RORA: variants seen among roughly 807,000 people sequenced by gnomAD.
RORA encodes the protein RAR related orphan receptor A.
Under a neutral mutation model 69.5 loss-of-function variants are expected in RORA, and 7 were observed. The ratio of observed to expected loss-of-function variants is 0.10; its 90% CI spans 0.06 to 0.19. RORA has a LOEUF of 0.19. Ranked by LOEUF, RORA falls within the 10% of genes least tolerant of loss-of-function variation. The pLI is 1.00. For missense variants in RORA, 457 were observed against 663.0 expected (o/e 0.69, Z 3.41); for synonymous variants, 261 against 240.8 (o/e 1.08, Z -0.78).
chr15:60,739,955 CAG>C (rs1361731671), intron 1 of RORA, among the ~76,000 whole-genome samples: 1 of 152,112 alleles, frequency 6.6e-6, no homozygotes, highest in African/African-American at 2.4e-5. Flanking sequence ...CAATCCAAAA[CAG>C]AGGAGGAAGA....
chr15:60,895,216 G>A (rs781406414), intron 1 of RORA, among the ~76,000 whole-genome samples: 4 of 152,148 alleles, frequency 2.6e-5, no homozygotes, highest in African/African-American at 9.7e-5. Context: ...GCAAGAAAGC[G>A]AACGGAAGAT....
At chr15:60,689,478 CT>C (rs1234809526) in intron 1 of RORA, among the ~76,000 whole-genome samples, 1 of 152,030 alleles carries the variant, frequency 6.6e-6, no homozygotes, top group Non-Finnish European at 1.5e-5. Context: ...TTCCATTTGT[CT>C]TTTTTTAAAT....
At chr15:60,737,940 A>G (rs1405887452) in intron 1 of RORA, among the ~76,000 whole-genome samples, 2 of 152,270 alleles carry the variant, frequency 1.3e-5, no homozygotes, top group African/African-American at 4.8e-5. Context: ...CTGAGTAATT[A>G]ATAGGATAAC....
intron 1 of RORA, among the ~76,000 whole-genome samples, chr15:61,025,976 T>C (rs1895788741): frequency 6.6e-6 from 1 of 152,148 alleles, no homozygotes. Context: ...TCATTGTGTA[T>C]GCACCAAGGA....
chr15:60,751,994 A>C (rs1356580983), intron 1 of RORA, among the ~76,000 whole-genome samples: 2 of 152,022 alleles, frequency 1.3e-5, no homozygotes. Flanking sequence ...TATGCATTTA[A>C]CCTATCTCCA....
At chr15:60,945,129 G>A (rs1415972229) in intron 1 of RORA, among the ~76,000 whole-genome samples, 2 of 152,040 alleles carry the variant, frequency 1.3e-5, no homozygotes, top group Non-Finnish European at 2.9e-5. Context: ...TATGGGGCTG[G>A]ACCACCCCAT....
At chr15:61,166,544 A>G (rs924331349) in intron 1 of RORA, among the ~76,000 whole-genome samples, 1 of 152,214 alleles carries the variant, frequency 6.6e-6, no homozygotes, top group Non-Finnish European at 1.5e-5. Flanking sequence ...GACAACCGTT[A>G]TATCACCTTA....
intron 1 of RORA, among the ~76,000 whole-genome samples, chr15:61,107,243 C>T (rs369776736): frequency 5.3e-5 from 8 of 152,106 alleles, no homozygotes; most frequent in African/African-American, 1.9e-4. Flanking sequence ...TGCATGACTG[C>T]CTATTTGAAC....
rs116907153 is a variant in RORA, at chr15:61,192,448, C to T, written c.166+36605G>A. Among the ~76,000 whole-genome samples, 658 of 152,250 alleles carry T rather than the reference C, an allele frequency of 4.3e-3. 4 individuals carry two copies. Among genetic ancestry groups the T allele is most frequent in the Non-Finnish European group, 5.6e-3 (380 of 68,022 alleles). On this transcript the variant is annotated intron_variant, in intron 1 of 10. Transcript: ENST00000335670. ...CATCCGCACCCAAGACCCAGGTACC[C>T]CATTCACCAACAATGACATACCTGC...
chr15:61,137,028 AAAG>A (rs1470514918), intron 1 of RORA, among the ~76,000 whole-genome samples: 2 of 65,896 alleles, frequency 3.0e-5, no homozygotes, highest in East Asian at 6.9e-4. Context: ...AAAAAGAAAG[AAAG>A]AAAGAAAGAA....
intron 10 of RORA, among the ~76,000 whole-genome samples, chr15:60,498,016 G>A (rs563051212): frequency 5.3e-5 from 8 of 152,086 alleles, no homozygotes; most frequent in Admixed American, 2.0e-4. Flanking sequence ...CCGTGATCGT[G>A]CCACTGCACT....
At chr15:60,933,630 G>A (rs1224931310) in intron 1 of RORA, among the ~76,000 whole-genome samples, 1 of 152,190 alleles carries the variant, frequency 6.6e-6, no homozygotes, top group African/African-American at 2.4e-5. Context: ...AGGAAGAGGG[G>A]TGGGGGAGGA....
intron 1 of RORA, among the ~76,000 whole-genome samples, chr15:61,004,378 G>GT (rs35632839): frequency 0.05 from 7,263 of 145,008 alleles, 396 homozygotes; most frequent in African/African-American, 0.14. Flanking sequence ...GAGTCTGAAT[G>GT]TTTTTTTTTT....
At chr15:60,857,663 G>A (rs1422529988) in intron 1 of RORA, among the ~76,000 whole-genome samples, 1 of 152,194 alleles carries the variant, frequency 6.6e-6, no homozygotes, top group Non-Finnish European at 1.5e-5. Flanking sequence ...TGGCACACAG[G>A]TGCTATCATC....
At chr15:61,055,761 C>T (rs765989116) in intron 1 of RORA, among the ~76,000 whole-genome samples, 1 of 152,198 alleles carries the variant, frequency 6.6e-6, no homozygotes, top group South Asian at 2.1e-4. Context: ...AGAATGGCAT[C>T]GCTAATGTTT....
At chr15:60,498,592 A>T (rs1327827762) in intron 10 of RORA, among the ~76,000 whole-genome samples, 1 of 152,192 alleles carries the variant, frequency 6.6e-6, no homozygotes, top group African/African-American at 2.4e-5. Flanking sequence ...CACAAAGGCA[A>T]ACTGCTTATT....
At chr15:60,643,656 G>A (rs547306530) in intron 2 of RORA, among the ~76,000 whole-genome samples, 53 of 152,200 alleles carry the variant, frequency 3.5e-4, no homozygotes, top group Non-Finnish European at 6.0e-4. Flanking sequence ...CCTCCTTGGC[G>A]ACACCCCCTA....
At chr15:60,555,560 T>G (rs964207872) in intron 2 of RORA, among the ~76,000 whole-genome samples, 5 of 152,126 alleles carry the variant, frequency 3.3e-5, no homozygotes, top group African/African-American at 1.2e-4. Flanking sequence ...AAAGAATTAG[T>G]GGCAATGTTA....
chr15:60,721,366 A>G (rs578119217), intron 1 of RORA, among the ~76,000 whole-genome samples: 3 of 152,358 alleles, frequency 2.0e-5, no homozygotes, highest in Non-Finnish European at 4.4e-5. Flanking sequence ...GTTCTAAGTC[A>G]CAAATAGATA....
Sources: allele counts gnomAD v4.1 joint callset (sites outside exome capture counted in the v4.1 genomes callset), GRCh38; gene constraint gnomAD v4.1.1; transcripts MANE v1.5; gene names NCBI Gene and HGNC (gene_info 2026-07-23, HGNC 2026-07-21).